The following DEFB121 variants were observed in gnomAD, a reference collection of about 807,000 sequenced individuals.
The protein encoded by DEFB121 is beta-defensin 121.
DEFB121 carries 5 observed loss-of-function variants against 2.5 expected under a neutral mutation model. The ratio of observed to expected loss-of-function variants is 1.96; its 90% CI spans 1.03 to 4.13. The LOEUF is 4.13. Among genes scored for constraint, DEFB121 ranks in the 30% most tolerant of loss-of-function variants. The pLI is 0.00. For missense variants in DEFB121, 87 were observed against 85.0 expected, an observed-to-expected ratio of 1.02 and a Z score of -0.09; for synonymous variants, 39 against 32.6, an observed-to-expected ratio of 1.20 and a Z score of -0.67.
chr20:31,407,562 C>T (rs985993377), upstream of DEFB121, among the ~76,000 whole-genome samples: 5 of 152,254 alleles, frequency 3.3e-5, no homozygotes, highest in Non-Finnish European at 5.9e-5. Flanking sequence ...CTACTCCAGG[C>T]GACTCACAGA....
At position 31,404,886 on chromosome 20, in the gene DEFB121, T is replaced by C. The variant is rs1376662243; in HGVS notation, c.*27A>G. 14 of 1,611,302 alleles carry C rather than the reference T, an allele frequency of 8.7e-6. No individual in the cohort carries two copies. Among genetic ancestry groups the C allele is most frequent in the Non-Finnish European group, 1.2e-5 (14 of 1,179,304 alleles). ...AATAGAACTGCAGGATCCCATGATG[T>C]TGAGACTCAAGGTTGGAAGAGAGGT... On this transcript the variant is annotated 3_prime_UTR_variant, in exon 2 of 2. Transcript: ENST00000376314.
intron 1 of DEFB121, chr20:31,412,513 G>GC: frequency 1.4e-6 from 1 of 730,676 alleles, no homozygotes; most frequent in Non-Finnish European, 2.1e-6. Context: ...GCAGAGGTTT[G>GC]CTGTGAAGAT....
chr20:31,406,155 A>C lies in DEFB121; in HGVS notation c.-3T>G. 6.2e-7 allele frequency: 1 copy of C among 1,614,078 alleles called. No homozygotes were observed. Among genetic ancestry groups the C allele is most frequent in the South Asian group, 1.1e-5 (1 of 91,072 alleles). On this transcript the variant is annotated 5_prime_UTR_variant, in exon 1 of 2. Transcript: ENST00000376314. ...AAAAGCAGAAGAAGGAGCTTCATGA[A>C]TGATGAATGATCAGGGAGGGATAGG...
At chr20:31,412,507 A>G in intron 1 of DEFB121, 1 of 653,866 alleles carries the variant, frequency 1.5e-6, no homozygotes, top group Non-Finnish European at 2.4e-6. Flanking sequence ...CTGACAGCAG[A>G]GGTTTGCTGT....
upstream of DEFB121, among the ~76,000 whole-genome samples, chr20:31,414,733 G>A (rs6088148): frequency 0.51 from 76,958 of 151,994 alleles, 20,021 homozygotes; most frequent in East Asian, 0.74. Flanking sequence ...TCAATGAGCA[G>A]AAAGTTTCTG....
At chr20:31,409,405 C>T (rs1435927799), upstream of DEFB121, among the ~76,000 whole-genome samples, 1 of 152,124 alleles carries the variant, frequency 6.6e-6, no homozygotes, top group Non-Finnish European at 1.5e-5. Flanking sequence ...GAATACTATT[C>T]AGCAACAAAG....
upstream of DEFB121, among the ~76,000 whole-genome samples, chr20:31,416,567 G>A (rs550982741): frequency 1.1e-4 from 16 of 152,294 alleles, no homozygotes; most frequent in East Asian, 7.7e-4. Flanking sequence ...CATCTGCCAC[G>A]TATCAAAAGC....
chr20:31,405,087 T>A lies in DEFB121; in HGVS notation c.59-2A>T. On this transcript the variant is annotated splice_acceptor_variant, in intron 1 of 1. Transcript: ENST00000376314. LOFTEE classifies it high-confidence loss of function. ...CTGACTTGCCCCAACATTTCATGAC[T>A]GAAAACAAAAGGGAAGAAGAGAATA... The A allele has an allele frequency of 6.3e-7, 1 of 1,592,014 alleles. No individual in the cohort carries two copies. The highest frequency in any genetic ancestry group is 8.5e-7 in the Non-Finnish European group (1 of 1,173,418).
At chr20:31,415,920 G>A (rs1260022856), upstream of DEFB121, among the ~76,000 whole-genome samples, 1 of 152,100 alleles carries the variant, frequency 6.6e-6, no homozygotes, top group African/African-American at 2.4e-5. Flanking sequence ...CATATAATGT[G>A]GGAAAACTGC....
upstream of DEFB121, among the ~76,000 whole-genome samples, chr20:31,416,142 T>C (rs2122367270): frequency 6.6e-6 from 1 of 152,098 alleles, no homozygotes; most frequent in Admixed American, 6.5e-5. Flanking sequence ...CTCACTGCAA[T>C]CTCCACCTCT....
At chr20:31,417,391 T>C (rs1978836664), upstream of DEFB121, among the ~76,000 whole-genome samples, 1 of 151,040 alleles carries the variant, frequency 6.6e-6, no homozygotes, top group African/African-American at 2.4e-5. Flanking sequence ...AACTTAGAAA[T>C]TAAAAGTACA....
chr20:31,418,406 TC>T, the DEFB121 span, among the ~76,000 whole-genome samples: 1 of 151,970 alleles, frequency 6.6e-6, no homozygotes, highest in Non-Finnish European at 1.5e-5. Context: ...CCGAATGGCT[TC>T]GGATTTCTCC....
upstream of DEFB121, among the ~76,000 whole-genome samples, chr20:31,417,532 C>T (rs1978841174): frequency 6.6e-6 from 1 of 151,880 alleles, no homozygotes; most frequent in African/African-American, 2.4e-5. Context: ...AAACAGGGAA[C>T]AGGAAAAACA....
At chr20:31,412,419 T>C (rs1978689197) in intron 1 of DEFB121, among the ~76,000 whole-genome samples, 1 of 152,222 alleles carries the variant, frequency 6.6e-6, no homozygotes, top group African/African-American at 2.4e-5. Flanking sequence ...TTGCCACATA[T>C]TAGCCATGTG....
upstream of DEFB121, among the ~76,000 whole-genome samples, chr20:31,407,023 G>A (rs1354364751): frequency 2.0e-5 from 3 of 152,058 alleles, no homozygotes; most frequent in Non-Finnish European, 2.9e-5. Flanking sequence ...CGAGGCAGGC[G>A]GATCACAAGT....
intron 1 of DEFB121, 109 bp downstream of exon 1, chr20:31,405,986 A>G: frequency 5.6e-6 from 7 of 1,239,848 alleles, no homozygotes; most frequent in South Asian, 1.4e-5. Flanking sequence ...AAAGGCCTCA[A>G]TGAGCTCTAC....
At chr20:31,407,318 C>T (rs140805203), upstream of DEFB121, among the ~76,000 whole-genome samples, 2 of 152,336 alleles carry the variant, frequency 1.3e-5, no homozygotes, top group African/African-American at 2.4e-5. Context: ...TGAATTCACA[C>T]ATTTGCCAAG....
At chr20:31,415,575 A>T (rs1978783893), upstream of DEFB121, among the ~76,000 whole-genome samples, 1 of 152,068 alleles carries the variant, frequency 6.6e-6, no homozygotes, top group Non-Finnish European at 1.5e-5. Context: ...ACTACCAAAT[A>T]TATCATCACA....
At chr20:31,410,912 T>A (rs1468291033), upstream of DEFB121, among the ~76,000 whole-genome samples, 2 of 151,704 alleles carry the variant, frequency 1.3e-5, no homozygotes, top group Non-Finnish European at 2.9e-5. Context: ...AGAAGGTACT[T>A]TCTTTATGCA....
Sources: allele counts gnomAD v4.1 joint callset (sites outside exome capture counted in the v4.1 genomes callset), GRCh38; gene constraint gnomAD v4.1.1; transcripts MANE v1.5; gene names NCBI Gene and HGNC (gene_info 2026-07-23, HGNC 2026-07-21).